HNF1A: variants seen among roughly 807,000 people sequenced by gnomAD.
HNF1A encodes the protein HNF1 homeobox A.
In HNF1A, 21 loss-of-function variants were observed where a neutral mutation model predicts 62.2. That is an observed-to-expected ratio of 0.34 (90% CI 0.24 to 0.49). The LOEUF is 0.49. HNF1A is among the 20% of genes least tolerant of loss of function. The probability of loss-of-function intolerance (pLI) is 0.99; values close to 1 mark genes in which losing one functional copy is unlikely to be tolerated. For synonymous variants in HNF1A, 374 were observed against 366.8 expected, an observed-to-expected ratio of 1.02 and a Z score of -0.22; for missense variants, 687 against 832.3, an observed-to-expected ratio of 0.83 and a Z score of 2.15.
At position 121,001,389 on chromosome 12, in the gene HNF1A, G is replaced by T. The variant is rs1169309; in HGVS notation, c.*197G>T. ...CCCCAACCCGTGGAGGCTGCTCGGG[G>T]TGCACAGGAGGGGGTCGTGGAGAGC... On this transcript the variant is annotated 3_prime_UTR_variant, in exon 10 of 10. Coordinates refer to ENST00000257555, the MANE Select transcript of HNF1A (RefSeq NM_000545.8). The T allele has an allele frequency of 0.37, 237,465 of 644,602 alleles. 46,881 individuals carry two copies. The highest frequency in any genetic ancestry group is 0.53 in the Middle Eastern group (1,292 of 2,426). The allele number at this position is 644,602 out of a possible 1,614,324, so 39.9% of individuals were successfully genotyped here.
chr12:120,980,352 G>A (rs1005104285), intron 1 of HNF1A, among the ~76,000 whole-genome samples: 1 of 152,022 alleles, frequency 6.6e-6, no homozygotes, highest in Non-Finnish European at 1.5e-5. Flanking sequence ...TCTGTCCAAG[G>A]TCCTGATCCC....
At chr12:120,990,083 T>A (rs1319737182) in intron 2 of HNF1A, among the ~76,000 whole-genome samples, 1 of 152,164 alleles carries the variant, frequency 6.6e-6, no homozygotes, top group African/African-American at 2.4e-5. Flanking sequence ...CCAACCTCCA[T>A]CTATGTGTGA....
At chr12:120,979,171 T>A (rs1414970482) in intron 1 of HNF1A, 77 bp downstream of exon 1, 1 of 1,313,794 alleles carries the variant, frequency 7.6e-7, no homozygotes, top group East Asian at 2.5e-5. Context: ...GCCCCCCTTC[T>A]GAGTTGAGTC....
chr12:120,997,026 A>G, intron 6 of HNF1A: 3 of 1,479,752 alleles, frequency 2.0e-6, no homozygotes, highest in Non-Finnish European at 2.7e-6. Flanking sequence ...CAGCAGGGTA[A>G]GGGGGACTGA....
Position 120,979,142 on chromosome 12 carries a change from C to A in HNF1A, c.326+48C>A, listed in dbSNP as rs756163357. 32 of 1,519,134 alleles carry A rather than the reference C, an allele frequency of 2.1e-5. No homozygotes were observed. The East Asian group carries it at 7.4e-4, about 35-fold the overall frequency. 94.1% of individuals were successfully genotyped at this position (1,519,134 alleles called of 1,614,324 possible). ...CGCTCCCAGGAGAGCCTAGAGGGGC[C>A]CCCCTCAGCTCCTAACGAGCCCCCC... On this transcript the variant is annotated intron_variant, in intron 1 of 9. Coordinates refer to ENST00000257555, the MANE Select transcript of HNF1A (RefSeq NM_000545.8).
intron 2 of HNF1A, among the ~76,000 whole-genome samples, chr12:120,993,018 G>C (rs1876908498): frequency 6.6e-6 from 1 of 152,166 alleles, no homozygotes; most frequent in African/African-American, 2.4e-5. Flanking sequence ...GCTGATGAAG[G>C]CTGGCTGGGT....
chr12:120,985,855 C>T (rs879392761), intron 1 of HNF1A, among the ~76,000 whole-genome samples: 5 of 151,410 alleles, frequency 3.3e-5, no homozygotes, highest in Non-Finnish European at 5.9e-5. Flanking sequence ...TGTGGTAGCG[C>T]ACACCTGTAA....
chr12:120,983,813 G>T (rs567513686), intron 1 of HNF1A, among the ~76,000 whole-genome samples: 1 of 152,166 alleles, frequency 6.6e-6, no homozygotes, highest in Non-Finnish European at 1.5e-5. Context: ...CCCAAAGTGT[G>T]GGGATTACAG....
chr12:120,987,394 G>A (rs1420862370), intron 1 of HNF1A, among the ~76,000 whole-genome samples: 4 of 149,256 alleles, frequency 2.7e-5, no homozygotes, highest in African/African-American at 9.9e-5. Flanking sequence ...AGAACGGCAT[G>A]AACCCAGGAG....
At chr12:121,000,994 C>T (rs956343274) in intron 9 of HNF1A, 71 bp from the exon 10 acceptor site, 19 of 1,602,788 alleles carry the variant, frequency 1.2e-5, no homozygotes, top group Non-Finnish European at 1.4e-5. Context: ...TCCTGAGTAC[C>T]CCTAGGGACA....
In HNF1A at chr12:120,978,841, G is replaced by A. The variant is rs587778394; in HGVS notation, c.73G>A (p.Ala25Thr). The change falls in exon 1 of 10, where the codon GCA (alanine) becomes ACA (threonine). Residue 25 changes from alanine to threonine, a missense_variant. By Grantham distance (58) the Ala-to-Thr change is moderately conservative. This residue lies in a region of HNF1A where 159 missense variants were observed against 154.4 expected (regional missense o/e 1.03). Transcript: ENST00000257555. ...ALLESGLSKEALIQALGEPGP... is the reference protein window; with the variant it reads ...ALLESGLSKETLIQALGEPGP... ...GCTCGAGTCAGGGCTGAGCAAAGAG[G>A]CACTGATCCAGGCACTGGGTGAGCC... The A allele has an allele frequency of 6.2e-7, 1 of 1,613,360 alleles. No homozygotes were observed. Among genetic ancestry groups the A allele is most frequent in the Non-Finnish European group, 8.5e-7 (1 of 1,179,864 alleles).
chr12:121,002,195 C>T lies in HNF1A; in HGVS notation c.*1003C>T, dbSNP rs1297404904. 2.2e-6 allele frequency: 1 copy of T among 459,492 alleles called. No homozygotes were observed. Among genetic ancestry groups the T allele is most frequent in the African/African-American group, 2.0e-5 (1 of 51,274 alleles). 28.5% of individuals were successfully genotyped at this position (459,492 alleles called of 1,614,324 possible). On this transcript the variant is annotated 3_prime_UTR_variant, in exon 10 of 10. Transcript: ENST00000257555. ...AGAAGAAAGAGGTGACCCCAGGGCA[C>T]AGGAGCTACCTGTGTGGACAGGACT...
chr12:120,989,957 T>G (rs1427805803), intron 2 of HNF1A, among the ~76,000 whole-genome samples: 1 of 151,922 alleles, frequency 6.6e-6, no homozygotes, highest in Non-Finnish European at 1.5e-5. Context: ...AGGTCTACGG[T>G]CAGGAAATCC....
chr12:120,990,418 C>T (rs531777339), intron 2 of HNF1A, among the ~76,000 whole-genome samples: 24 of 152,198 alleles, frequency 1.6e-4, no homozygotes, highest in African/African-American at 5.1e-4. Flanking sequence ...CGTGAGCCAC[C>T]GCGCCTGGCC....
In HNF1A at chr12:120,998,140, C is replaced by A. The variant is rs138557867; in HGVS notation, c.1501+475C>A. The A allele has an allele frequency of 1.3e-3, 387 of 298,048 alleles. 1 individual carries two copies. The highest frequency in any genetic ancestry group is 7.0e-3 in the African/African-American group (322 of 46,304). 18.5% of individuals were successfully genotyped at this position (298,048 alleles called of 1,614,324 possible). A position where few individuals can be genotyped will look rare whatever the true frequency, so the allele number is the denominator to read the frequency against. On this transcript the variant is annotated intron_variant, in intron 7 of 9. Coordinates refer to ENST00000257555, the MANE Select transcript of HNF1A (RefSeq NM_000545.8). ...ACTAAAAGTACAAAAATTAGCCAGG[C>A]GTGGAGGCACGTGCCTGTAGTCCCA...
At chr12:120,989,572 T>C (rs895473356) in intron 2 of HNF1A, among the ~76,000 whole-genome samples, 5 of 152,326 alleles carry the variant, frequency 3.3e-5, no homozygotes, top group African/African-American at 1.2e-4. Context: ...GGTCCCTGCT[T>C]TCTCAGAGCC....
At chr12:120,995,687 C>G in intron 4 of HNF1A, among the ~76,000 whole-genome samples, 1 of 151,814 alleles carries the variant, frequency 6.6e-6, no homozygotes, top group East Asian at 1.9e-4. Context: ...ATTCATTCCA[C>G]TCCACGCCAC....
chr12:120,983,292 C>A (rs1174018854), intron 1 of HNF1A, among the ~76,000 whole-genome samples: 2 of 152,192 alleles, frequency 1.3e-5, no homozygotes, highest in East Asian at 3.8e-4. Flanking sequence ...TCCACAAATT[C>A]AGCACTTACT....
chr12:120,995,242 T>C (rs1480688644), intron 4 of HNF1A, among the ~76,000 whole-genome samples: 1 of 146,914 alleles, frequency 6.8e-6, no homozygotes, highest in Non-Finnish European at 1.5e-5. Flanking sequence ...TCCATCCACT[T>C]ACTCCATCCA....
Sources: gnomAD v4.1 joint callset for allele counts (sites outside exome capture counted in the v4.1 genomes callset) on GRCh38, gnomAD v4.1.1 for gene constraint, gnomAD v4.1.1 regional missense constraint, MANE v1.5 for transcripts, NCBI Gene and HGNC (gene_info 2026-07-23, HGNC 2026-07-21) for gene names.